The following SLC9A9 variants were observed in gnomAD, a reference collection of about 807,000 sequenced individuals.
SLC9A9 encodes sodium/hydrogen exchanger 9.
Under a neutral mutation model 77.8 loss-of-function variants are expected in SLC9A9, and 62 were observed. That is an observed-to-expected ratio of 0.80 (90% CI 0.65 to 0.98). The LOEUF (loss-of-function observed/expected upper bound fraction) is 0.98, where lower values mean the gene tolerates loss of function less well. Ranked by LOEUF, SLC9A9 falls within the 50% of genes least tolerant of loss-of-function variation. The pLI is 0.00. For synonymous variants in SLC9A9, 320 were observed against 283.5 expected, an observed-to-expected ratio of 1.13 and a Z score of -1.29; for missense variants, 775 against 774.9, an observed-to-expected ratio of 1.00 and a Z score of 0.00.
chr3:143,576,612 A>G (rs1559975834), intron 7 of SLC9A9, among the ~76,000 whole-genome samples: 1 of 152,174 alleles, frequency 6.6e-6, no homozygotes, highest in Non-Finnish European at 1.5e-5. Context: ...AAGAATTAAG[A>G]GGCAATAGGG....
chr3:143,560,571 A>G (rs1292267300), intron 8 of SLC9A9, among the ~76,000 whole-genome samples: 3 of 152,150 alleles, frequency 2.0e-5, no homozygotes, highest in African/African-American at 7.2e-5. Context: ...TTCAGAGAGT[A>G]ATTATTATCA....
At chr3:143,672,881 A>G (rs1418239052) in intron 5 of SLC9A9, among the ~76,000 whole-genome samples, 3 of 152,216 alleles carry the variant, frequency 2.0e-5, no homozygotes, top group Non-Finnish European at 1.5e-5. Context: ...GAAAAGCACT[A>G]TGACTGGTAG....
chr3:143,732,655 C>T (rs116255542), intron 4 of SLC9A9, among the ~76,000 whole-genome samples: 1,660 of 152,276 alleles, frequency 0.011, 12 homozygotes, highest in Non-Finnish European at 0.014. Flanking sequence ...TGCAATTTTA[C>T]AATAGACAAA....
At chr3:143,418,446 G>A (rs2034236924) in intron 12 of SLC9A9, among the ~76,000 whole-genome samples, 1 of 152,058 alleles carries the variant, frequency 6.6e-6, no homozygotes, top group Non-Finnish European at 1.5e-5. Flanking sequence ...GGACATCTGA[G>A]GTCTAAACAT....
intron 2 of SLC9A9, among the ~76,000 whole-genome samples, chr3:143,804,092 C>T (rs2008644289): frequency 6.6e-6 from 1 of 152,184 alleles, no homozygotes; most frequent in Non-Finnish European, 1.5e-5. Flanking sequence ...ACTGGAATTC[C>T]CCTGGGTAAC....
chr3:143,368,512 G>A (rs1482661099), intron 13 of SLC9A9, among the ~76,000 whole-genome samples: 2 of 152,060 alleles, frequency 1.3e-5, no homozygotes, highest in African/African-American at 4.8e-5. Context: ...CATTTCAGGG[G>A]GATTCAGTGG....
intron 6 of SLC9A9, among the ~76,000 whole-genome samples, chr3:143,618,475 T>G (rs2038145325): frequency 6.6e-6 from 1 of 152,152 alleles, no homozygotes; most frequent in Non-Finnish European, 1.5e-5. Flanking sequence ...GATTGGAAAG[T>G]CTGGTAACTG....
At chr3:143,559,980 C>A (rs2037053194) in intron 8 of SLC9A9, among the ~76,000 whole-genome samples, 1 of 152,196 alleles carries the variant, frequency 6.6e-6, no homozygotes, top group South Asian at 2.1e-4. Context: ...TTTGCCTTGC[C>A]TGTTCTTGTC....
At chr3:143,273,605 C>A (rs1937959916) in intron 14 of SLC9A9, among the ~76,000 whole-genome samples, 1 of 152,170 alleles carries the variant, frequency 6.6e-6, no homozygotes, top group African/African-American at 2.4e-5. Context: ...TTTGTTATGG[C>A]AGCCCAAGTA....
At chr3:143,304,897 T>A (rs1210663844) in intron 14 of SLC9A9, among the ~76,000 whole-genome samples, 1 of 152,162 alleles carries the variant, frequency 6.6e-6, no homozygotes, top group Non-Finnish European at 1.5e-5. Flanking sequence ...AGCACCCCTA[T>A]ACACTTTTCT....
chr3:143,424,418 C>T (rs2034366853), intron 12 of SLC9A9, among the ~76,000 whole-genome samples: 1 of 152,022 alleles, frequency 6.6e-6, no homozygotes, highest in African/African-American at 2.4e-5. Context: ...GCTGGGACTA[C>T]AGGCGCCCAC....
At chr3:143,837,467 T>C (rs537846435) in intron 1 of SLC9A9, among the ~76,000 whole-genome samples, 1 of 152,332 alleles carries the variant, frequency 6.6e-6, no homozygotes, top group South Asian at 2.1e-4. Flanking sequence ...CTACCAAGAA[T>C]AATCTAGATT....
In SLC9A9 at chr3:143,415,482, T is replaced by A. The variant is rs116087246; in HGVS notation, c.1470-33368A>T. On this transcript the variant is annotated intron_variant, in intron 12 of 15. Coordinates refer to ENST00000316549, the MANE Select transcript of SLC9A9 (RefSeq NM_173653.4). ...CTGAAAATCCTAGGGCCATTAAGAG[T>A]TATGCTAAATTGACTCTGCCTATGT... Among the ~76,000 whole-genome samples the A allele has an allele frequency of 5.6e-3, 857 of 152,242 alleles. 3 individuals carry two copies. The highest frequency in any genetic ancestry group is 0.012 in the South Asian group (60 of 4,812).
At chr3:143,621,359 AC>A (rs1336558422) in intron 6 of SLC9A9, among the ~76,000 whole-genome samples, 2 of 151,938 alleles carry the variant, frequency 1.3e-5, no homozygotes, top group Admixed American at 1.3e-4. Context: ...ACTGGGAGGC[AC>A]CCCCCAGTAG....
intron 6 of SLC9A9, among the ~76,000 whole-genome samples, chr3:143,619,599 C>A (rs1458108691): frequency 6.6e-6 from 1 of 152,118 alleles, no homozygotes; most frequent in Non-Finnish European, 1.5e-5. Context: ...CATGCTGTGT[C>A]AATCCCGAGG....
At chr3:143,459,848 G>A (rs142117504) in intron 12 of SLC9A9, among the ~76,000 whole-genome samples, 1,913 of 151,904 alleles carry the variant, frequency 0.013, 16 homozygotes, top group Middle Eastern at 0.024. Context: ...AAGGCTAATC[G>A]GTGAGAGGAT....
intron 9 of SLC9A9, among the ~76,000 whole-genome samples, chr3:143,528,142 A>G (rs554106858): frequency 1.1e-3 from 161 of 152,322 alleles, no homozygotes; most frequent in African/African-American, 3.7e-3. Flanking sequence ...AAAACTGGAT[A>G]TCCCTCTTTT....
At chr3:143,774,701 T>C in intron 4 of SLC9A9, among the ~76,000 whole-genome samples, 1 of 84,308 alleles carries the variant, frequency 1.2e-5, no homozygotes, top group Non-Finnish European at 2.2e-5. Flanking sequence ...AAAGTTGAAC[T>C]ATACATTGTA....
intron 4 of SLC9A9, among the ~76,000 whole-genome samples, chr3:143,761,376 A>T (rs528758425): frequency 6.6e-6 from 1 of 152,338 alleles, no homozygotes; most frequent in Admixed American, 6.5e-5. Flanking sequence ...TCTGCACAGC[A>T]AAAGAAACTA....
Sources: allele counts gnomAD v4.1 joint callset (sites outside exome capture counted in the v4.1 genomes callset), GRCh38; gene constraint gnomAD v4.1.1; transcripts MANE v1.5; gene names NCBI Gene and HGNC (gene_info 2026-07-23, HGNC 2026-07-21).